HS6ST2: variants seen among roughly 807,000 people sequenced by gnomAD.
HS6ST2 encodes heparan sulfate 6-O-sulfotransferase 2.
HS6ST2 carries 17 observed loss-of-function variants against 33.0 expected under a neutral mutation model. The ratio of observed to expected loss-of-function variants is 0.52; its 90% confidence interval spans 0.35 to 0.77. The LOEUF (loss-of-function observed/expected upper bound fraction) is 0.77, where lower values mean the gene tolerates loss of function less well. Among genes scored for constraint, HS6ST2 ranks in the 30% least tolerant of loss-of-function variants. HS6ST2 has a pLI of 0.01. For missense variants in HS6ST2, 519 were observed against 551.7 expected, an observed-to-expected ratio of 0.94 and a Z score of 0.59; for synonymous variants, 248 against 237.1, an observed-to-expected ratio of 1.05 and a Z score of -0.42.
intron 4 of HS6ST2, among the ~76,000 whole-genome samples, chrX:132,663,756 CACACACACATACTTTCAT>C (rs1311126786): frequency 8.9e-6 from 1 of 112,099 alleles, no homozygotes. Flanking sequence ...AGAGAACACT[CACACACACATACTTTCAT>C]ACACACACAT....
intron 3 of HS6ST2, among the ~76,000 whole-genome samples, chrX:132,684,244 C>T (rs2012520): frequency 0.11 from 11,485 of 99,934 alleles, 605 homozygotes; most frequent in East Asian, 0.27. Context: ...TATATATATA[C>T]ACACACACAT....
rs2066967053 is a variant in HS6ST2 at position 132,947,250 on chromosome X, T to C, written c.947+9558A>G. Among the ~76,000 whole-genome samples the C allele has an allele frequency of 3.6e-5, 4 of 110,407 alleles. No individual in the cohort carries two copies. In the South Asian group the frequency reaches 1.5e-3, roughly 42 times the overall value. The stretch of plus-strand genomic sequence containing the variant: ...GTGTGCGTGTATGTGTGTGTATGTG[T>C]GTATTTTAGATGTATATGTATATGT... On this transcript the variant is annotated intron_variant, in intron 2 of 4. Coordinates refer to ENST00000370833, the MANE Select transcript of HS6ST2 (RefSeq NM_001394073.1).
At chrX:132,752,993 C>A (rs2064721773) in intron 2 of HS6ST2, among the ~76,000 whole-genome samples, 1 of 112,406 alleles carries the variant, frequency 8.9e-6, no homozygotes, top group African/African-American at 3.2e-5. Flanking sequence ...GGGGCCAATG[C>A]TCTTTGCGAG....
chrX:132,719,188 C>A, intron 2 of HS6ST2, among the ~76,000 whole-genome samples: 1 of 111,413 alleles, frequency 9.0e-6, no homozygotes, highest in African/African-American at 3.3e-5. Flanking sequence ...GTTTAGAAAC[C>A]TATCAAAGTT....
chrX:132,714,669 T>C (rs1209631609), intron 2 of HS6ST2, among the ~76,000 whole-genome samples: 1 of 111,082 alleles, frequency 9.0e-6, no homozygotes, highest in Non-Finnish European at 1.9e-5. Flanking sequence ...GGAACATTCC[T>C]ATGAAGGATA....
chrX:132,659,449 A>G (rs1385879912), intron 4 of HS6ST2, among the ~76,000 whole-genome samples: 5 of 111,783 alleles, frequency 4.5e-5, no homozygotes, highest in Non-Finnish European at 5.6e-5. Flanking sequence ...AAAGTGTCAG[A>G]GCCAGGTGCT....
At chrX:132,804,540 C>G (rs1298668666) in intron 2 of HS6ST2, among the ~76,000 whole-genome samples, 1 of 112,466 alleles carries the variant, frequency 8.9e-6, no homozygotes, top group Non-Finnish European at 1.9e-5. Flanking sequence ...TGGTTCACAC[C>G]TGTAATCCCA....
At chrX:132,898,873 C>A in intron 2 of HS6ST2, among the ~76,000 whole-genome samples, 1 of 110,459 alleles carries the variant, frequency 9.1e-6, no homozygotes, top group Non-Finnish European at 1.9e-5. Flanking sequence ...GATTGGCATA[C>A]GTATGGGAGG....
At chrX:132,857,170 A>C (rs2065858961) in intron 2 of HS6ST2, among the ~76,000 whole-genome samples, 1 of 112,402 alleles carries the variant, frequency 8.9e-6, no homozygotes, top group African/African-American at 3.2e-5. Flanking sequence ...ATATAAAAAT[A>C]CCCAAAGGTG....
chrX:132,912,073 C>A (rs1483202118), intron 2 of HS6ST2, among the ~76,000 whole-genome samples: 1 of 112,533 alleles, frequency 8.9e-6, no homozygotes, highest in Non-Finnish European at 1.9e-5. Flanking sequence ...TAGCCTGGGG[C>A]AAATCACTTG....
At chrX:132,850,527 T>G (rs923882785) in intron 2 of HS6ST2, among the ~76,000 whole-genome samples, 1 of 111,259 alleles carries the variant, frequency 9.0e-6, no homozygotes. Flanking sequence ...CACCTATGAA[T>G]CAGCTGCTAA....
At chrX:132,720,422 A>G (rs1328447610) in intron 2 of HS6ST2, among the ~76,000 whole-genome samples, 1 of 110,910 alleles carries the variant, frequency 9.0e-6, no homozygotes, top group African/African-American at 3.3e-5. Flanking sequence ...TCTGCCTTTA[A>G]GCTACTCTGC....
intron 2 of HS6ST2, among the ~76,000 whole-genome samples, chrX:132,919,268 T>C (rs751287177): frequency 8.9e-6 from 1 of 112,116 alleles, no homozygotes; most frequent in Non-Finnish European, 1.9e-5. Context: ...TAGTTTAACA[T>C]GACAATAGAA....
chrX:132,940,166 T>C (rs1212737420), intron 2 of HS6ST2, among the ~76,000 whole-genome samples: 4 of 111,793 alleles, frequency 3.6e-5, no homozygotes, highest in African/African-American at 1.3e-4. Context: ...TTTTGTATAA[T>C]GGTACCAAGG....
chrX:132,845,096 T>G (rs962575986), intron 2 of HS6ST2, among the ~76,000 whole-genome samples: 1 of 108,175 alleles, frequency 9.2e-6, no homozygotes, highest in African/African-American at 3.3e-5. Context: ...TAATATCTAA[T>G]TATTATATAT....
chrX:132,671,212 G>C (rs1201583692), intron 3 of HS6ST2, among the ~76,000 whole-genome samples: 1 of 112,314 alleles, frequency 8.9e-6, no homozygotes, highest in Admixed American at 9.4e-5. Context: ...CTGATGCAAA[G>C]AATGCAATAT....
chrX:132,709,676 G>A (rs2064214677), intron 2 of HS6ST2, among the ~76,000 whole-genome samples: 1 of 110,152 alleles, frequency 9.1e-6, no homozygotes, highest in South Asian at 4.0e-4. Flanking sequence ...TACTCCAGCC[G>A]CAAGAAATAA....
chrX:132,877,075 CT>C (rs1261448727), intron 2 of HS6ST2, among the ~76,000 whole-genome samples: 7 of 112,147 alleles, frequency 6.2e-5, no homozygotes, highest in Non-Finnish European at 1.3e-4. Flanking sequence ...CAAGGCTACA[CT>C]TTTTTTAAGT....
intron 2 of HS6ST2, among the ~76,000 whole-genome samples, chrX:132,867,494 T>C (rs1007192588): frequency 3.6e-5 from 4 of 111,659 alleles, no homozygotes; most frequent in Non-Finnish European, 3.8e-5. Flanking sequence ...GCTGGCCTCA[T>C]AGAATGAGTT....
Sources: gnomAD v4.1 joint callset for allele counts (sites outside exome capture counted in the v4.1 genomes callset) on GRCh38, gnomAD v4.1.1 for gene constraint, MANE v1.5 for transcripts, NCBI Gene and HGNC (gene_info 2026-07-23, HGNC 2026-07-21) for gene names.